The following MIB1 variants were observed in gnomAD, a reference collection of about 807,000 sequenced individuals.
MIB1 encodes MIB E3 ubiquitin protein ligase 1.
In MIB1, 278 loss-of-function variants were observed where a neutral mutation model predicts 124.5. That is an observed-to-expected ratio of 2.23 (90% confidence interval 2.02 to 2.47). The LOEUF (loss-of-function observed/expected upper bound fraction) is 2.47, where lower values mean the gene tolerates loss of function less well. MIB1 is among the 30% of genes most tolerant of loss of function. The pLI is 0.00. For missense variants in MIB1, 957 were observed against 1,254.4 expected (o/e 0.76, Z 3.58); for synonymous variants, 446 against 429.4 (o/e 1.04, Z -0.48).
intron 15 of MIB1, among the ~76,000 whole-genome samples, chr18:21,846,097 A>T (rs181419336): frequency 3.3e-5 from 5 of 152,278 alleles, no homozygotes; most frequent in Admixed American, 3.3e-4. Flanking sequence ...TGTTGAAGTC[A>T]GGTAGTGTCA....
At chr18:21,713,136 T>G (rs1248022232) in intron 1 of MIB1, among the ~76,000 whole-genome samples, 1 of 152,004 alleles carries the variant, frequency 6.6e-6, no homozygotes, top group African/African-American at 2.4e-5. Context: ...TTTTTTATTT[T>G]TGTTTTTGTT....
intron 1 of MIB1, among the ~76,000 whole-genome samples, chr18:21,752,731 TAAAAAAC>T (rs1348368913): frequency 2.0e-5 from 3 of 152,054 alleles, no homozygotes; most frequent in Admixed American, 6.5e-5. Flanking sequence ...TCTTGTAAAT[TAAAAAAC>T]AAAAAACAAC....
chr18:21,760,335 C>G (rs2041083870), intron 1 of MIB1, among the ~76,000 whole-genome samples: 1 of 152,126 alleles, frequency 6.6e-6, no homozygotes, highest in Non-Finnish European at 1.5e-5. Context: ...ATTTAATGCC[C>G]TTTCTTCTGT....
intron 12 of MIB1, among the ~76,000 whole-genome samples, chr18:21,837,049 T>A (rs2042039447): frequency 6.6e-6 from 1 of 152,168 alleles, no homozygotes; most frequent in Non-Finnish European, 1.5e-5. Context: ...CCCAAAATTG[T>A]ATTAATAGGT....
chr18:21,776,537 T>C (rs781525914), intron 4 of MIB1, among the ~76,000 whole-genome samples: 1 of 152,222 alleles, frequency 6.6e-6, no homozygotes, highest in Non-Finnish European at 1.5e-5. Flanking sequence ...ATTTTCACAG[T>C]ATACACAAGG....
intron 1 of MIB1, among the ~76,000 whole-genome samples, chr18:21,711,779 G>A (rs1329712160): frequency 2.0e-5 from 3 of 151,960 alleles, no homozygotes; most frequent in Non-Finnish European, 2.9e-5. Context: ...CTGCAGCCTC[G>A]ACCTCCCAGG....
intron 6 of MIB1, among the ~76,000 whole-genome samples, chr18:21,785,079 G>A (rs1353919023): frequency 1.3e-5 from 2 of 152,272 alleles, no homozygotes; most frequent in East Asian, 3.9e-4. Flanking sequence ...AATGATGTAA[G>A]CTGTCCTCTC....
intron 6 of MIB1, among the ~76,000 whole-genome samples, chr18:21,783,495 A>G (rs1290803415): frequency 3.9e-5 from 6 of 152,064 alleles, no homozygotes; most frequent in African/African-American, 1.4e-4. Flanking sequence ...CTCCCGCCTC[A>G]GCCTCCCAAA....
At chr18:21,751,084 G>GCTAT (rs937427812) in intron 1 of MIB1, among the ~76,000 whole-genome samples, 6 of 151,856 alleles carry the variant, frequency 4.0e-5, no homozygotes, top group African/African-American at 1.5e-4. Flanking sequence ...TGTAGCCCCA[G>GCTAT]CTATTTGTTG....
intron 1 of MIB1, among the ~76,000 whole-genome samples, chr18:21,749,459 T>TA (rs2040948685): frequency 6.6e-6 from 1 of 152,216 alleles, no homozygotes; most frequent in Non-Finnish European, 1.5e-5. Context: ...TGTGTATACA[T>TA]ACCTTTGTGT....
chr18:21,721,159 G>GTTTGGTTT (rs2040712847), intron 1 of MIB1, among the ~76,000 whole-genome samples: 1 of 29,758 alleles, frequency 3.4e-5, no homozygotes, highest in African/African-American at 9.6e-5. Flanking sequence ...TTTTAAAGAA[G>GTTTGGTTT]TTTTTTTTTT....
At chr18:21,742,122 G>GGAA (rs969904612) in intron 1 of MIB1, among the ~76,000 whole-genome samples, 6 of 152,174 alleles carry the variant, frequency 3.9e-5, no homozygotes, top group Non-Finnish European at 8.8e-5. Context: ...CCTCCTCTTG[G>GGAA]GAAGGGGTCT....
At chr18:21,708,557 G>A (rs915725927) in intron 1 of MIB1, among the ~76,000 whole-genome samples, 3 of 152,096 alleles carry the variant, frequency 2.0e-5, no homozygotes, top group Non-Finnish European at 4.4e-5. Context: ...TCAGGAGGCC[G>A]AGACAGGAGA....
intron 18 of MIB1, chr18:21,854,653 T>C (rs2042211141): frequency 5.1e-6 from 1 of 194,376 alleles, no homozygotes; most frequent in Non-Finnish European, 1.0e-5. Context: ...AATTTAGCTT[T>C]CTGACTCTGG....
In MIB1 at chr18:21,765,840, T is replaced by C. The variant is rs1319095225; in HGVS notation, c.298T>C (p.Cys100Arg). The part of the protein sequence containing the change: ...QQPIIGIRWK[C>R]AECTNYDLCT... ...ACCAATCATTGGCATTCGATGGAAG[T>C]GTGCAGAGTGTACAAATTATGATTT... Residue 100 changes from cysteine (C) to arginine (R), a missense_variant, in exon 2 of 21, where the codon TGT (cysteine) becomes CGT (arginine). Transcript: ENST00000261537. 1 of 1,614,212 alleles carries C rather than the reference T, an allele frequency of 6.2e-7. No individual in the cohort carries two copies. Among genetic ancestry groups the C allele is most frequent in the South Asian group, 1.1e-5 (1 of 91,084 alleles).
chr18:21,771,294 G>A (rs1019112958), intron 3 of MIB1, among the ~76,000 whole-genome samples: 2 of 152,124 alleles, frequency 1.3e-5, no homozygotes, highest in African/African-American at 4.8e-5. Context: ...CTTGACTAAT[G>A]AACTTACTTC....
intron 11 of MIB1, chr18:21,817,836 A>G (rs1193904492): frequency 3.9e-6 from 1 of 253,258 alleles, no homozygotes; most frequent in Admixed American, 4.7e-5. Flanking sequence ...TGTCTAGTAA[A>G]AAAGAATAAA....
chr18:21,709,939 A>G (rs889593206), intron 1 of MIB1, among the ~76,000 whole-genome samples: 8 of 152,188 alleles, frequency 5.3e-5, no homozygotes, highest in Non-Finnish European at 2.9e-5. Flanking sequence ...TTCCATAGCA[A>G]ATGAGTGGGG....
intron 1 of MIB1, among the ~76,000 whole-genome samples, chr18:21,743,233 A>G (rs976799795): frequency 1.3e-5 from 2 of 152,238 alleles, no homozygotes; most frequent in East Asian, 1.9e-4. Flanking sequence ...GTGTGTGACT[A>G]TACTATAAAT....
Sources: allele counts gnomAD v4.1 joint callset (sites outside exome capture counted in the v4.1 genomes callset), GRCh38; gene constraint gnomAD v4.1.1; transcripts MANE v1.5; gene names NCBI Gene and HGNC (gene_info 2026-07-23, HGNC 2026-07-21).